Variants in TMEM161B observed in about 807,000 individuals in gnomAD.
TMEM161B encodes transmembrane protein 161B.
In TMEM161B, 34 loss-of-function variants were observed where a neutral mutation model predicts 61.8. The observed-to-expected ratio is 0.55, with a 90% CI of 0.42 to 0.73. The LOEUF is 0.73. TMEM161B is among the 30% of genes least tolerant of loss of function. The pLI is 0.00. For missense variants in TMEM161B, 456 were observed against 558.5 expected (o/e 0.82, Z 1.85); for synonymous variants, 167 against 192.8 (o/e 0.87, Z 1.11).
chr5:88,248,707 C>T (rs1360866331), intron 1 of TMEM161B, among the ~76,000 whole-genome samples: 6 of 107,608 alleles, frequency 5.6e-5, no homozygotes, highest in Non-Finnish European at 9.3e-5. Context: ...ACAATTCAGT[C>T]GACTGAGAAA....
intron 5 of TMEM161B, among the ~76,000 whole-genome samples, chr5:88,208,732 T>G (rs1485442270): frequency 2.6e-5 from 4 of 152,110 alleles, no homozygotes; most frequent in African/African-American, 9.7e-5. Flanking sequence ...CACAGCTAGA[T>G]TAGAGAAAGT....
chr5:88,240,147 G>T (rs1305319483), intron 2 of TMEM161B, among the ~76,000 whole-genome samples: 1 of 151,702 alleles, frequency 6.6e-6, no homozygotes, highest in East Asian at 1.9e-4. Flanking sequence ...GGAAGGAGTA[G>T]GGATTGTGAG....
chr5:88,190,065 T>C (rs1404218119), downstream of TMEM161B: 5 of 700,432 alleles, frequency 7.1e-6, no homozygotes, highest in Admixed American at 4.0e-5. Context: ...AAGAAGCACA[T>C]GGGTTATTTC....
At chr5:88,232,964 T>A (rs2112608247) in intron 2 of TMEM161B, among the ~76,000 whole-genome samples, 2 of 152,356 alleles carry the variant, frequency 1.3e-5, no homozygotes, top group Middle Eastern at 3.4e-3. Context: ...TTTATTACAT[T>A]TCCTATGGGA....
At chr5:88,225,056 C>G (rs1749787279) in intron 4 of TMEM161B, among the ~76,000 whole-genome samples, 1 of 151,042 alleles carries the variant, frequency 6.6e-6, no homozygotes, top group African/African-American at 2.4e-5. Context: ...CAACCTCCGC[C>G]TCCCGGGTTC....
At chr5:88,252,767 T>C (rs1754498199) in intron 1 of TMEM161B, among the ~76,000 whole-genome samples, 1 of 152,176 alleles carries the variant, frequency 6.6e-6, no homozygotes, top group South Asian at 2.1e-4. Context: ...ACACGGCAAA[T>C]AGGCTTTTGC....
chr5:88,245,062 T>C (rs923632858), intron 1 of TMEM161B, among the ~76,000 whole-genome samples: 3 of 151,872 alleles, frequency 2.0e-5, no homozygotes, highest in Non-Finnish European at 1.5e-5. Flanking sequence ...GTTTTCTAGA[T>C]ATGGAATCAT....
At position 88,236,694 on chromosome 5, in the gene TMEM161B, A is replaced by C. The variant is rs141233650; in HGVS notation, c.107+4119T>G. On this transcript the variant is annotated intron_variant, in intron 2 of 11. Coordinates refer to ENST00000296595, the MANE Select transcript of TMEM161B (RefSeq NM_153354.5). ...GGCATTAGATTCTTAAACTCTACTTAATACTTAGCATGCTTTTGGTAATCA... is the reference window on the plus strand; with the variant it reads ...GGCATTAGATTCTTAAACTCTACTTCATACTTAGCATGCTTTTGGTAATCA... 2.4e-4 allele frequency among the ~76,000 whole-genome samples: 37 copies of C among 152,314 alleles called. No individual in the cohort carries two copies. In the East Asian group the frequency reaches 6.8e-3, roughly 28 times the overall value.
intron 3 of TMEM161B, among the ~76,000 whole-genome samples, chr5:88,226,683 A>G (rs577760442): frequency 5.9e-5 from 9 of 152,324 alleles, no homozygotes; most frequent in South Asian, 4.1e-4. Context: ...GTAAAAAATA[A>G]TTTCATGTTA....
chr5:88,190,838 CTTCTT>C (rs1167224554), downstream of TMEM161B, among the ~76,000 whole-genome samples: 1 of 151,902 alleles, frequency 6.6e-6, no homozygotes, highest in Non-Finnish European at 1.5e-5. Context: ...ATTCCATTTC[CTTCTT>C]TTATTTACTT....
chr5:88,206,525 C>G, intron 6 of TMEM161B, 26 bp from the exon 7 acceptor site: 1 of 1,402,874 alleles, frequency 7.1e-7, no homozygotes, highest in Admixed American at 2.2e-5. Context: ...AAAAAAACAA[C>G]AGATTACTCT....
rs1024873021 is a variant in TMEM161B at position 88,253,001 on chromosome 5, T to C, written c.4-12085A>G. 7.2e-5 allele frequency among the ~76,000 whole-genome samples: 11 copies of C among 152,236 alleles called. No homozygotes were observed. In the East Asian group the frequency reaches 9.7e-4, roughly 13 times the overall value. On this transcript the variant is annotated intron_variant, in intron 1 of 11. Transcript: ENST00000296595. ...TTAGGGCAGAAAGCAGCAAATATCA[T>C]TAAAGCATATTTCATTCAAGGAGTG... is the stretch of plus-strand genomic sequence containing the variant.
In TMEM161B at chr5:88,268,818, A is replaced by C. The variant is rs1237416692; in HGVS notation, c.-95T>G. On this transcript the variant is annotated 5_prime_UTR_variant, in exon 1 of 12. Transcript: ENST00000296595. Reference sequence around the variant, plus strand: ...GGTCCTTGAGCCGAGAGACTCTCAAACAGCGAAAGAGAGGGTCTTCCGGCT... The same window carrying C: ...GGTCCTTGAGCCGAGAGACTCTCAACCAGCGAAAGAGAGGGTCTTCCGGCT... 6.3e-6 allele frequency: 10 copies of C among 1,593,886 alleles called. 1 individual carries two copies. In the African/African-American group the frequency reaches 9.4e-5, roughly 15 times the overall value.
chr5:88,216,249 G>C (rs1747809186), intron 5 of TMEM161B, among the ~76,000 whole-genome samples: 1 of 151,474 alleles, frequency 6.6e-6, no homozygotes, highest in Admixed American at 6.6e-5. Flanking sequence ...TTGTCTCTGG[G>C]GAAAAAAAAG....
intron 8 of TMEM161B, among the ~76,000 whole-genome samples, chr5:88,203,623 T>C (rs1407093144): frequency 1.3e-5 from 2 of 151,596 alleles, no homozygotes; most frequent in African/African-American, 4.9e-5. Context: ...AACCCGCAAC[T>C]GAGGAACCTT....
At chr5:88,225,210 G>A (rs186894209) in intron 4 of TMEM161B, among the ~76,000 whole-genome samples, 1,949 of 152,082 alleles carry the variant, frequency 0.013, 22 homozygotes, top group Middle Eastern at 0.024. Context: ...CTCATGATCC[G>A]CCCGCCTTGG....
intron 2 of TMEM161B, among the ~76,000 whole-genome samples, chr5:88,235,472 T>C (rs957444623): frequency 1.3e-4 from 19 of 151,900 alleles, no homozygotes; most frequent in African/African-American, 4.6e-4. Context: ...CTTTCAGGAG[T>C]TTCTAGTTCG....
intron 1 of TMEM161B, among the ~76,000 whole-genome samples, chr5:88,264,904 G>C (rs572960553): frequency 1.3e-5 from 2 of 151,836 alleles, no homozygotes; most frequent in South Asian, 2.1e-4. Flanking sequence ...GGACACAGAG[G>C]GGGTAACATC....
intron 1 of TMEM161B, among the ~76,000 whole-genome samples, chr5:88,254,112 G>A (rs868178713): frequency 6.6e-6 from 1 of 151,994 alleles, no homozygotes; most frequent in Non-Finnish European, 1.5e-5. Context: ...CTGCTTAAGG[G>A]TCAGAAATAG....
Sources: allele counts gnomAD v4.1 joint callset (sites outside exome capture counted in the v4.1 genomes callset), GRCh38; gene constraint gnomAD v4.1.1; transcripts MANE v1.5; gene names NCBI Gene and HGNC (gene_info 2026-07-23, HGNC 2026-07-21).